The following SYN3 variants were observed in gnomAD, a reference collection of about 807,000 sequenced individuals.
SYN3 encodes the protein synapsin-3.
In SYN3, 35 loss-of-function variants were observed where a neutral mutation model predicts 65.8. The ratio of observed to expected loss-of-function variants is 0.53; its 90% CI spans 0.41 to 0.70. The LOEUF is 0.70. Ranked by LOEUF, SYN3 falls within the 30% of genes least tolerant of loss-of-function variation. The pLI, the probability that SYN3 is intolerant of heterozygous loss-of-function variation, is 0.00. For synonymous variants in SYN3, 270 were observed against 292.9 expected (o/e 0.92, Z 0.80); for missense variants, 680 against 749.0 (o/e 0.91, Z 1.08).
At position 32,858,007 on chromosome 22, in the gene SYN3, C is replaced by T. The variant is rs557059377; in HGVS notation, c.711+6908G>A. 25 of 1,614,062 alleles carry T rather than the reference C, an allele frequency of 1.5e-5. No individual in the cohort carries two copies. The Middle Eastern group carries it at 6.6e-4, about 42-fold the overall frequency. On this transcript the variant is annotated intron_variant, in intron 6 of 13. Coordinates refer to ENST00000358763, the MANE Select transcript of SYN3 (RefSeq NM_003490.4). ...ACAACCTCTCCTTGTTTTCTTCTTT[C>T]CTCCTGTAGGTCGCGTCTATGATGG...
At chr22:32,897,538 C>T (rs892745938) in intron 4 of SYN3, among the ~76,000 whole-genome samples, 1 of 152,198 alleles carries the variant, frequency 6.6e-6, no homozygotes, top group African/African-American at 2.4e-5. Flanking sequence ...GCCGTGGAGT[C>T]AGACCTGGAT....
chr22:32,960,680 T>C (rs1224185922), intron 3 of SYN3, among the ~76,000 whole-genome samples: 1 of 152,246 alleles, frequency 6.6e-6, no homozygotes, highest in Non-Finnish European at 1.5e-5. Flanking sequence ...CTCAGGACTT[T>C]CGACAGGTGT....
At chr22:32,593,166 T>C (rs555559552) in intron 7 of SYN3, among the ~76,000 whole-genome samples, 2 of 152,316 alleles carry the variant, frequency 1.3e-5, no homozygotes, top group African/African-American at 4.8e-5. Flanking sequence ...ACTGCAAGTT[T>C]TCTCATTCCA....
intron 12 of SYN3, among the ~76,000 whole-genome samples, chr22:32,527,188 C>T (rs757191697): frequency 6.6e-6 from 1 of 152,070 alleles, no homozygotes; most frequent in African/African-American, 2.4e-5. Context: ...TCTAGCTGGT[C>T]GACTCACAAA....
rs575519766 is a variant in SYN3 at position 32,532,248 on chromosome 22, G to T, written c.1095+1545C>A. Among the ~76,000 whole-genome samples, 43 of 152,394 alleles carry T rather than the reference G, an allele frequency of 2.8e-4. No homozygotes were observed. The South Asian group carries it at 3.3e-3, about 12-fold the overall frequency. ...GTGTGCCAAATCTGGGTTCATGTCT[G>T]GTGGTCCCCGTGAGGGGATGCAGAG... is the stretch of plus-strand genomic sequence containing the variant. On this transcript the variant is annotated intron_variant, in intron 10 of 13. Coordinates refer to ENST00000358763, the MANE Select transcript of SYN3 (RefSeq NM_003490.4).
At chr22:32,688,947 G>C (rs2060627849) in intron 6 of SYN3, among the ~76,000 whole-genome samples, 1 of 152,108 alleles carries the variant, frequency 6.6e-6, no homozygotes, top group East Asian at 1.9e-4. Context: ...TTAGCACTGG[G>C]GCCTTGGGCA....
intron 6 of SYN3, among the ~76,000 whole-genome samples, chr22:32,651,737 C>T (rs1403093948): frequency 6.6e-6 from 1 of 152,186 alleles, no homozygotes; most frequent in Non-Finnish European, 1.5e-5. Context: ...ACTGATGCTG[C>T]AACCAACTCC....
chr22:32,588,641 A>T (rs1488705834), intron 7 of SYN3, among the ~76,000 whole-genome samples: 1 of 152,186 alleles, frequency 6.6e-6, no homozygotes, highest in East Asian at 1.9e-4. Context: ...CCTGTGTTAG[A>T]GATGAGGAAA....
intron 1 of SYN3, among the ~76,000 whole-genome samples, chr22:33,056,001 T>C (rs1384069718): frequency 6.6e-6 from 1 of 152,212 alleles, no homozygotes; most frequent in African/African-American, 2.4e-5. Flanking sequence ...TTGTGAGTGA[T>C]TGTTATTATT....
intron 6 of SYN3, among the ~76,000 whole-genome samples, chr22:32,632,061 G>T (rs1463162616): frequency 6.6e-6 from 1 of 152,236 alleles, no homozygotes; most frequent in Non-Finnish European, 1.5e-5. Flanking sequence ...GATAGTGGCT[G>T]CCCTAGACAG....
At chr22:32,857,273 C>T in intron 6 of SYN3, 2 of 1,614,048 alleles carry the variant, frequency 1.2e-6, no homozygotes, top group Non-Finnish European at 1.7e-6. Flanking sequence ...CACCAAGATG[C>T]CCCATGTGCA....
At chr22:32,745,894 G>T (rs2044918377) in intron 6 of SYN3, among the ~76,000 whole-genome samples, 1 of 152,168 alleles carries the variant, frequency 6.6e-6, no homozygotes, top group Non-Finnish European at 1.5e-5. Flanking sequence ...CAGCCAGCGT[G>T]GTGCCGACCA....
In SYN3 at chr22:32,867,802, C is replaced by CGATCTCTT. The variant is rs1174894829; in HGVS notation, c.621+1156_621+1163dup. On this transcript the variant is annotated intron_variant, in intron 5 of 13. Transcript: ENST00000358763. ...TTCACCATGTTGGCCAGCATGGTCTCGATCTCTTGATCTCGTGATACACCC... is the reference window on the plus strand; with the variant it reads ...TTCACCATGTTGGCCAGCATGGTCTCGATCTCTTGATCTCTTGATCTCGTGATACACCC... Among the ~76,000 whole-genome samples the CGATCTCTT allele has an allele frequency of 2.0e-5, 3 of 152,238 alleles. No individual in the cohort carries two copies. In the South Asian group the frequency reaches 6.2e-4, roughly 32 times the overall value.
At chr22:32,531,554 G>A (rs970024876) in intron 10 of SYN3, among the ~76,000 whole-genome samples, 5 of 152,200 alleles carry the variant, frequency 3.3e-5, no homozygotes, top group Non-Finnish European at 5.9e-5. Flanking sequence ...CAAGGTCAGA[G>A]AGGACAAGTT....
At chr22:32,588,752 G>A (rs780574299) in intron 7 of SYN3, among the ~76,000 whole-genome samples, 2 of 152,182 alleles carry the variant, frequency 1.3e-5, no homozygotes, top group African/African-American at 2.4e-5. Context: ...GATTCTGTAA[G>A]CTTTACCCTG....
chr22:32,742,056 G>A (rs981559671), intron 6 of SYN3, among the ~76,000 whole-genome samples: 8 of 151,878 alleles, frequency 5.3e-5, no homozygotes, highest in Admixed American at 5.2e-4. Context: ...GGCGGATCAC[G>A]AGGTCAGGAG....
intron 1 of SYN3, among the ~76,000 whole-genome samples, chr22:33,035,345 G>A (rs73881940): frequency 0.074 from 2,518 of 34,218 alleles, 124 homozygotes; most frequent in African/African-American, 0.2. Context: ...CCCCCCCCCC[G>A]CCACCAAACT....
intron 12 of SYN3, among the ~76,000 whole-genome samples, chr22:32,523,148 G>A (rs1038724296): frequency 7.9e-5 from 12 of 152,246 alleles, no homozygotes; most frequent in African/African-American, 1.7e-4. Flanking sequence ...ATGGTGATCC[G>A]TAATCAGTGA....
intron 6 of SYN3, among the ~76,000 whole-genome samples, chr22:32,604,600 T>TCCCGTCTCATACTCATG (rs1222317862): frequency 1.3e-5 from 2 of 151,886 alleles, no homozygotes; most frequent in African/African-American, 2.4e-5. Flanking sequence ...TCCGCTGAAA[T>TCCCGTCTCATACTCATG]TCTGTCCCTG....
Sources: allele counts gnomAD v4.1 joint callset (sites outside exome capture counted in the v4.1 genomes callset), GRCh38; gene constraint gnomAD v4.1.1; transcripts MANE v1.5; gene names NCBI Gene and HGNC (gene_info 2026-07-23, HGNC 2026-07-21).